TAFA4: variants seen among roughly 807,000 people sequenced by gnomAD.
The protein encoded by TAFA4 is TAFA chemokine like family member 4, also known as chemokine-like protein TAFA-4.
In TAFA4, 20 loss-of-function variants were observed where a neutral mutation model predicts 21.1. The observed-to-expected ratio is 0.95, with a 90% confidence interval of 0.67 to 1.38. The LOEUF is 1.38. Ranked by LOEUF, TAFA4 falls within the 40% of genes most tolerant of loss-of-function variation. The pLI is 0.00. For missense variants in TAFA4, 211 were observed against 180.9 expected, an observed-to-expected ratio of 1.17 and a Z score of -0.95; for synonymous variants, 71 against 67.4, an observed-to-expected ratio of 1.05 and a Z score of -0.26.
rs777579987 is a variant in TAFA4, at chr3:68,818,814, C to A, written c.130+61916G>T. Among the ~76,000 whole-genome samples, 13 of 152,158 alleles carry A rather than the reference C, an allele frequency of 8.5e-5. 1 individual carries two copies. The highest frequency in any genetic ancestry group is 1.6e-4 in the Non-Finnish European group (11 of 68,032). ...AATAGTAATGTCAAAGATCACTGAT[C>A]ACAGATCACCATAACAGATAATCAT... On this transcript the variant is annotated intron_variant, in intron 3 of 5. Transcript: ENST00000295569.
chr3:68,745,430 G>A (rs772170231), intron 4 of TAFA4, among the ~76,000 whole-genome samples: 3 of 151,982 alleles, frequency 2.0e-5, no homozygotes, highest in Non-Finnish European at 4.4e-5. Flanking sequence ...AATAAAATTC[G>A]TTTAAAAGCC....
intron 1 of TAFA4, among the ~76,000 whole-genome samples, chr3:68,900,281 AACAATAATAATAATAATAATAATAATAAT>A (rs2089832966): frequency 7.5e-5 from 2 of 26,580 alleles, no homozygotes; most frequent in African/African-American, 2.0e-4. Context: ...TAATAATAAT[AACAATAATAATAATAATAATAATAATAAT>A]AAAGCTGCCT....
intron 3 of TAFA4, among the ~76,000 whole-genome samples, chr3:68,870,749 G>A (rs1220791308): frequency 1.1e-4 from 16 of 151,880 alleles, no homozygotes; most frequent in South Asian, 2.1e-4. Context: ...CTCCCCACCC[G>A]ACAGGCCCTG....
rs1038500254 is a variant in TAFA4, at chr3:68,799,002, G to C, written c.131-45984C>G. Among the ~76,000 whole-genome samples the C allele has an allele frequency of 8.5e-5, 13 of 152,132 alleles. No homozygotes were observed. In the East Asian group the frequency reaches 2.3e-3, roughly 27 times the overall value. On this transcript the variant is annotated intron_variant, in intron 3 of 5. Transcript: ENST00000295569. ...AGTCCTGGTTTGTTTTATGTTAAAA[G>C]AAAGACATACCTTGAAAAATGCTTT...
At chr3:68,760,953 G>A (rs1258940287) in intron 3 of TAFA4, among the ~76,000 whole-genome samples, 1 of 152,196 alleles carries the variant, frequency 6.6e-6, no homozygotes, top group Non-Finnish European at 1.5e-5. Context: ...GACAGTAGAA[G>A]AGAGAGACCC....
intron 3 of TAFA4, among the ~76,000 whole-genome samples, chr3:68,874,760 C>T (rs185982235): frequency 1.0e-3 from 157 of 151,092 alleles, no homozygotes; most frequent in South Asian, 1.9e-3. Context: ...TCTTTACTCC[C>T]GTCAGTAATA....
intron 4 of TAFA4, 75 bp downstream of exon 4, chr3:68,752,788 A>G (rs1280879430): frequency 1.9e-6 from 3 of 1,591,422 alleles, no homozygotes; most frequent in Non-Finnish European, 8.6e-7. Flanking sequence ...GGTTGCAAAG[A>G]CAGTAAAGTA....
intron 1 of TAFA4, among the ~76,000 whole-genome samples, chr3:68,918,510 T>C (rs545066792): frequency 6.6e-6 from 1 of 152,324 alleles, no homozygotes; most frequent in South Asian, 2.1e-4. Context: ...TTAAAATATA[T>C]ACAAAATTCC....
intron 3 of TAFA4, among the ~76,000 whole-genome samples, chr3:68,817,008 TAAAG>T (rs1327724720): frequency 6.6e-6 from 1 of 152,200 alleles, no homozygotes; most frequent in Non-Finnish European, 1.5e-5. Context: ...GGCAATTTCT[TAAAG>T]TAAGACAATA....
chr3:68,732,394 C>T lies in TAFA4; in HGVS notation c.*748G>A, dbSNP rs776287885. On this transcript the variant is annotated 3_prime_UTR_variant, in exon 6 of 6. Coordinates refer to ENST00000295569, the MANE Select transcript of TAFA4 (RefSeq NM_182522.5). The stretch of plus-strand genomic sequence containing the variant: ...GACTACACAAAAGCCGTAAAAATTC[C>T]AACAAGTTTTATAAATATGTTCTGA... The T allele has an allele frequency of 2.0e-5, 3 of 152,318 alleles. No homozygotes were observed. The highest frequency in any genetic ancestry group is 4.4e-5 in the Non-Finnish European group (3 of 67,958). 9.4% of individuals were successfully genotyped at this position (152,318 alleles called of 1,614,324 possible). A position where few individuals can be genotyped will look rare whatever the true frequency, so the allele number is the denominator to read the frequency against.
chr3:68,910,199 T>C (rs867699426), intron 1 of TAFA4, among the ~76,000 whole-genome samples: 1 of 152,200 alleles, frequency 6.6e-6, no homozygotes, highest in Non-Finnish European at 1.5e-5. Context: ...CTGTATTCTA[T>C]TGGTTAGAAG....
At chr3:68,921,855 G>A (rs563987325) in intron 1 of TAFA4, among the ~76,000 whole-genome samples, 4 of 152,306 alleles carry the variant, frequency 2.6e-5, no homozygotes, top group African/African-American at 4.8e-5. Context: ...TACATGCTAC[G>A]TACAGCAAAC....
At chr3:68,840,191 T>C (rs1261855133) in intron 3 of TAFA4, among the ~76,000 whole-genome samples, 1 of 152,064 alleles carries the variant, frequency 6.6e-6, no homozygotes, top group African/African-American at 2.4e-5. Flanking sequence ...GCACTTTTGG[T>C]TGGTTGGTTG....
chr3:68,911,734 G>A (rs372992194), intron 1 of TAFA4, among the ~76,000 whole-genome samples: 1 of 152,160 alleles, frequency 6.6e-6, no homozygotes, highest in East Asian at 1.9e-4. Context: ...AATTTAAGTC[G>A]GTATGTCAGA....
intron 3 of TAFA4, among the ~76,000 whole-genome samples, chr3:68,815,487 T>A (rs1035860976): frequency 1.3e-5 from 2 of 151,772 alleles, no homozygotes; most frequent in African/African-American, 4.8e-5. Context: ...AACAACCCCA[T>A]CAAAAAGTGG....
At chr3:68,805,478 T>A (rs557726814) in intron 3 of TAFA4, among the ~76,000 whole-genome samples, 1 of 152,284 alleles carries the variant, frequency 6.6e-6, no homozygotes, top group South Asian at 2.1e-4. Flanking sequence ...GACTATAAAA[T>A]CATGCTGCTA....
chr3:68,810,973 A>C (rs6783452), intron 3 of TAFA4, among the ~76,000 whole-genome samples: 100,040 of 151,930 alleles, frequency 0.66, 33,428 homozygotes, highest in East Asian at 0.98. Flanking sequence ...CTGAGACAAA[A>C]CTTCCAGAGG....
At chr3:68,846,542 T>C (rs1247053705) in intron 3 of TAFA4, among the ~76,000 whole-genome samples, 1 of 152,110 alleles carries the variant, frequency 6.6e-6, no homozygotes, top group East Asian at 1.9e-4. Flanking sequence ...TCATTCTCCA[T>C]CCAGTTTTGT....
At chr3:68,855,931 C>G (rs1281989458) in intron 3 of TAFA4, among the ~76,000 whole-genome samples, 3 of 152,088 alleles carry the variant, frequency 2.0e-5, no homozygotes, top group Non-Finnish European at 2.9e-5. Flanking sequence ...TTTGCCCTTT[C>G]CTGTCTTTCT....
Sources: gnomAD v4.1 joint callset for allele counts (sites outside exome capture counted in the v4.1 genomes callset) on GRCh38, gnomAD v4.1.1 for gene constraint, MANE v1.5 for transcripts, NCBI Gene and HGNC (gene_info 2026-07-23, HGNC 2026-07-21) for gene names.